The following ABR variants were observed in gnomAD, a reference collection of about 807,000 sequenced individuals.
The protein encoded by ABR is active breakpoint cluster region-related protein.
A neutral mutation model predicts 107.2 loss-of-function variants in ABR; 35 were observed. That is an observed-to-expected ratio of 0.33 (90% CI 0.25 to 0.43). The LOEUF is 0.43. Among genes scored for constraint, ABR ranks in the 20% least tolerant of loss-of-function variants. The probability of loss-of-function intolerance (pLI) is 1.00; values close to 1 mark genes in which losing one functional copy is unlikely to be tolerated. For synonymous variants in ABR, 498 were observed against 462.0 expected (o/e 1.08, Z -1.00); for missense variants, 815 against 1,115.2 (o/e 0.73, Z 3.83).
chr17:1,146,577 C>T (rs978342562), intron 1 of ABR, among the ~76,000 whole-genome samples: 1 of 151,878 alleles, frequency 6.6e-6, no homozygotes. Flanking sequence ...CCCTTCAGTG[C>T]CCAGACACCT....
At chr17:1,089,543 T>G (rs563897197) in intron 4 of ABR, among the ~76,000 whole-genome samples, 1 of 152,250 alleles carries the variant, frequency 6.6e-6, no homozygotes, top group South Asian at 2.1e-4. Flanking sequence ...AGGACAGAAA[T>G]CTCAGGCCCT....
chr17:1,058,975 G>A (rs562299231), intron 10 of ABR, 108 bp from the exon 11 acceptor site: 22 of 1,479,726 alleles, frequency 1.5e-5, no homozygotes, highest in South Asian at 6.6e-5. Context: ...TACATTTTCC[G>A]TATTTCGTGA....
At chr17:1,068,717 C>A (rs970068047) in intron 9 of ABR, among the ~76,000 whole-genome samples, 3 of 152,228 alleles carry the variant, frequency 2.0e-5, no homozygotes, top group Non-Finnish European at 4.4e-5. Flanking sequence ...GGGTTCCAGT[C>A]CCACCCTCCC....
chr17:1,045,387 CA>C, intron 16 of ABR, among the ~76,000 whole-genome samples: 1 of 124,616 alleles, frequency 8.0e-6, no homozygotes, highest in African/African-American at 2.7e-5. Context: ...CGTCTTCTTA[CA>C]GCAGGACAAT....
chr17:1,207,693 T>C (rs116332608), intron 1 of ABR, among the ~76,000 whole-genome samples: 1,634 of 151,928 alleles, frequency 0.011, 30 homozygotes, highest in African/African-American at 0.037. Flanking sequence ...AAGGAAACTG[T>C]TGGAATCACA....
At chr17:1,127,829 C>G (rs1355534426) in intron 1 of ABR, among the ~76,000 whole-genome samples, 1 of 152,214 alleles carries the variant, frequency 6.6e-6, no homozygotes, top group East Asian at 1.9e-4. Context: ...AGTCTCCCCA[C>G]ATGCACAGTT....
chr17:1,017,570 C>A (rs1196261772), intron 16 of ABR, among the ~76,000 whole-genome samples: 1 of 150,882 alleles, frequency 6.6e-6, no homozygotes, highest in Admixed American at 6.6e-5. Context: ...CAGGTTCAAC[C>A]GATTCTTCTG....
chr17:1,142,585 C>CAAAAA (rs200832739), intron 1 of ABR, among the ~76,000 whole-genome samples: 1 of 105,204 alleles, frequency 9.5e-6, no homozygotes, highest in Non-Finnish European at 2.0e-5. Context: ...AACTCCATCT[C>CAAAAA]AAAAAAAAAA....
intron 1 of ABR, among the ~76,000 whole-genome samples, chr17:1,163,540 AG>A (rs2041391932): frequency 7.0e-6 from 1 of 143,606 alleles, no homozygotes; most frequent in Admixed American, 7.0e-5. Flanking sequence ...CGGAGCATCC[AG>A]GTGGGACCCT....
intron 1 of ABR, among the ~76,000 whole-genome samples, chr17:1,195,887 A>AGATCACTTGAGGTCAGG (rs1185605747): frequency 4.7e-5 from 7 of 149,650 alleles, no homozygotes; most frequent in African/African-American, 1.8e-4. Flanking sequence ...TTGTGGGGAG[A>AGATCACTTGAGGTCAGG]GATCACTTGA....
At chr17:1,174,193 C>T (rs1187310041) in intron 1 of ABR, among the ~76,000 whole-genome samples, 1 of 152,218 alleles carries the variant, frequency 6.6e-6, no homozygotes, top group African/African-American at 2.4e-5. Context: ...CCAACAATCA[C>T]AACCACAGAA....
At chr17:1,046,991 G>A (rs111295714) in intron 16 of ABR, among the ~76,000 whole-genome samples, 5 of 152,282 alleles carry the variant, frequency 3.3e-5, no homozygotes, top group Non-Finnish European at 5.9e-5. Context: ...CCACCCCGCC[G>A]CTGAGACTCC....
Position 1,070,218 on chromosome 17 carries a change from C to T in ABR, c.895-128G>A. 7.7e-7 allele frequency: 1 copy of T among 1,300,834 alleles called. No homozygotes were observed. Among genetic ancestry groups the T allele is most frequent in the East Asian group, 2.4e-5 (1 of 41,484 alleles). The allele number at this position is 1,300,834 out of a possible 1,614,324, so 80.6% of individuals were successfully genotyped here. On this transcript the variant is annotated intron_variant, in intron 8 of 22. Transcript: ENST00000302538. The surrounding 1 kb of genome is among the most constrained non-coding windows in gnomAD (Gnocchi z 4.2). ...GGCGGCATAGCCTGTCATCCCTTAA[C>T]CAAAGGTGGTTCAAGCACTGCCTTT...
chr17:1,016,816 T>C (rs2071201546), intron 16 of ABR, among the ~76,000 whole-genome samples: 1 of 152,126 alleles, frequency 6.6e-6, no homozygotes, highest in South Asian at 2.1e-4. Context: ...AAAACTCTCC[T>C]GCCCACGTCG....
chr17:1,170,007 TGG>T (rs376997040), intron 1 of ABR, among the ~76,000 whole-genome samples: 16 of 121,698 alleles, frequency 1.3e-4, no homozygotes, highest in Non-Finnish European at 1.8e-4. Context: ...TGTGTGTGTG[TGG>T]GGGGGGGGTG....
chr17:1,025,553 C>A (rs565244047), intron 16 of ABR, among the ~76,000 whole-genome samples: 2 of 152,324 alleles, frequency 1.3e-5, no homozygotes, highest in African/African-American at 4.8e-5. Flanking sequence ...CCCCACGTAA[C>A]GCCCCACACT....
rs947240227 is a variant in ABR at position 1,209,069 on chromosome 17, C to T, written c.838+19724G>A. ...GAACTCTTTCCCTTGGTTCACTGCTCGGCTCAATGCAGGTGCCAATAAAGT... is the reference window on the plus strand; with the variant it reads ...GAACTCTTTCCCTTGGTTCACTGCTTGGCTCAATGCAGGTGCCAATAAAGT... On this transcript the variant is annotated intron_variant, in intron 1 of 22. Coordinates refer to the ABR transcript ENST00000574139. Among the ~76,000 whole-genome samples, 5 of 152,132 alleles carry T rather than the reference C, an allele frequency of 3.3e-5. No homozygotes were observed. The South Asian group carries it at 8.3e-4, about 25-fold the overall frequency.
At chr17:1,072,193 G>A (rs1455387963) in intron 8 of ABR, among the ~76,000 whole-genome samples, 3 of 152,172 alleles carry the variant, frequency 2.0e-5, no homozygotes, top group Non-Finnish European at 2.9e-5. Context: ...GTGAGCCACC[G>A]TGCCCGGCCT....
intron 1 of ABR, among the ~76,000 whole-genome samples, chr17:1,169,160 A>C (rs2041618160): frequency 6.6e-6 from 1 of 152,234 alleles, no homozygotes; most frequent in Non-Finnish European, 1.5e-5. Flanking sequence ...TCACAAAGCC[A>C]GATGATGCCT....
Sources: allele counts gnomAD v4.1 joint callset (sites outside exome capture counted in the v4.1 genomes callset), GRCh38; gene constraint gnomAD v4.1.1; non-coding constraint Gnocchi (gnomAD v3.1); transcripts MANE v1.5; gene names NCBI Gene and HGNC (gene_info 2026-07-23, HGNC 2026-07-21).